Variants in MYOF observed in about 807,000 individuals in gnomAD.
The protein encoded by MYOF is fer-1-like 3, myoferlin.
In MYOF, 244 loss-of-function variants were observed where a neutral mutation model predicts 284.2. The ratio of observed to expected loss-of-function variants is 0.86; its 90% CI spans 0.77 to 0.95. The LOEUF is 0.95. Among genes scored for constraint, MYOF ranks in the 40% least tolerant of loss-of-function variants. The pLI is 0.00. For missense variants in MYOF, 2,496 were observed against 2,560.6 expected (o/e 0.97, Z 0.54); for synonymous variants, 904 against 919.7 (o/e 0.98, Z 0.31).
At chr10:93,460,056 A>C (rs1241909333) in intron 1 of MYOF, among the ~76,000 whole-genome samples, 1 of 152,192 alleles carries the variant, frequency 6.6e-6, no homozygotes, top group Non-Finnish European at 1.5e-5. Flanking sequence ...ATAATGCAAT[A>C]GAAACTGAGC....
chr10:93,481,975 T>A, intron 1 of MYOF, 132 bp downstream of exon 1: 3 of 818,374 alleles, frequency 3.7e-6, no homozygotes. Context: ...TCCCCTGTCC[T>A]GCGCAGGTAA....
Position 93,354,703 on chromosome 10 carries a change from T to TCTCTCTCTCTCTC in MYOF, c.3404-816_3404-815insGAGAGAGAGAGAG, listed in dbSNP as rs1243618498. ...TCTCTCTCTCTCTCTCTCTCTCTCT[T>TCTCTCTCTCTCTC]TGTGAGATAGCAGAGCATTATGATT... is the stretch of plus-strand genomic sequence containing the variant. On this transcript the variant is annotated intron_variant, in intron 31 of 53. Transcript: ENST00000359263. 6.1e-3 allele frequency among the ~76,000 whole-genome samples: 431 copies of TCTCTCTCTCTCTC among 70,660 alleles called. 4 individuals are homozygous for TCTCTCTCTCTCTC. Among genetic ancestry groups the TCTCTCTCTCTCTC allele is most frequent in the African/African-American group, 0.015 (409 of 27,326 alleles). The allele number at this position is 70,660 out of a possible 152,430, so 46.4% of individuals were successfully genotyped here.
rs1008177204 is a variant in MYOF at position 93,329,835 on chromosome 10, C to T, written c.4812-1G>A. 11 of 1,613,686 alleles carry T rather than the reference C, an allele frequency of 6.8e-6. No individual in the cohort carries two copies. The Admixed American group carries it at 1.0e-4, about 15-fold the overall frequency. On this transcript the variant is annotated splice_acceptor_variant, in intron 43 of 53. Transcript: ENST00000359263. LOFTEE classifies it high-confidence loss of function. ...TAAGTAGCAGCTCAGTTCGTACATCCTAAATAAACAAATGCAAGGTCAGAA... is the reference window on the plus strand; with the variant it reads ...TAAGTAGCAGCTCAGTTCGTACATCTTAAATAAACAAATGCAAGGTCAGAA...
intron 24 of MYOF, among the ~76,000 whole-genome samples, chr10:93,370,470 C>G (rs987037297): frequency 6.8e-6 from 1 of 147,888 alleles, no homozygotes. Context: ...TGCCACCATG[C>G]CTGGCTAATT....
chr10:93,446,462 G>A (rs2056432610), intron 3 of MYOF, among the ~76,000 whole-genome samples: 1 of 152,204 alleles, frequency 6.6e-6, no homozygotes, highest in Admixed American at 6.5e-5. Flanking sequence ...GAAGGACTGA[G>A]CCACAGGACA....
Position 93,364,085 on chromosome 10 carries a change from G to A in MYOF, c.2754-10C>T, listed in dbSNP as rs201957140. 11 of 1,612,274 alleles carry A rather than the reference G, an allele frequency of 6.8e-6. No individual in the cohort carries two copies. The highest frequency in any genetic ancestry group is 1.7e-4 in the Middle Eastern group (1 of 6,056). On this transcript the variant is annotated splice_polypyrimidine_tract_variant and intron_variant, in intron 26 of 53. Transcript: ENST00000359263. ...TGCCTCAGTCAGCAAGCTGTGGGGC[G>A]GGGAGGGCTCAAGTTACCCAAGGAG...
At chr10:93,354,703 T>TCTCTCTCTCTC (rs1243618498) in intron 31 of MYOF, among the ~76,000 whole-genome samples, 81 of 70,748 alleles carry the variant, frequency 1.1e-3, no homozygotes, top group African/African-American at 2.8e-3. Flanking sequence ...CTCTCTCTCT[T>TCTCTCTCTCTC]TGTGAGATAG....
intron 46 of MYOF, 25 bp from the exon 47 acceptor site, chr10:93,323,383 G>A (rs543177941): frequency 9.5e-6 from 15 of 1,579,018 alleles, no homozygotes; most frequent in Non-Finnish European, 1.3e-5. Flanking sequence ...AATGAAAAGA[G>A]GACTGAAGTT....
chr10:93,399,577 A>T, intron 12 of MYOF, 82 bp from the exon 13 acceptor site: 1 of 953,064 alleles, frequency 1.0e-6, no homozygotes, highest in Non-Finnish European at 1.6e-6. Flanking sequence ...CTTATACATC[A>T]AAATAGTTGC....
In MYOF at chr10:93,399,495, A is replaced by C; in HGVS notation, c.1118T>G (p.Met373Arg). Reference sequence around the variant, plus strand: ...TACTGTCTGTGAGAAGGCATCATCCACTGGAAGGTAATAGTTATACAGCAG... The same window carrying C: ...TACTGTCTGTGAGAAGGCATCATCCCCTGGAAGGTAATAGTTATACAGCAG... ...KIYRAEDIPQMDDAFSQTVKE... is the reference protein window; with the variant it reads ...KIYRAEDIPQRDDAFSQTVKE... Residue 373 changes from methionine to arginine, a missense_variant and splice_region_variant, in exon 13 of 54, where the codon ATG (methionine) becomes AGG (arginine). Met to Arg is a moderately conservative substitution (Grantham distance 91). Around this residue, in one of 3 missense-constraint regions of MYOF, gnomAD observed 2,436 missense variants for 2,480.7 expected, o/e 0.98. Coordinates refer to ENST00000359263, the MANE Select transcript of MYOF (RefSeq NM_013451.4). 2 of 1,603,260 alleles carry C rather than the reference A, an allele frequency of 1.2e-6. No homozygotes were observed. The highest frequency in any genetic ancestry group is 1.7e-6 in the Non-Finnish European group (2 of 1,172,924).
intron 37 of MYOF, among the ~76,000 whole-genome samples, chr10:93,344,375 A>C (rs1408032): frequency 0.24 from 37,136 of 151,980 alleles, 6,227 homozygotes; most frequent in East Asian, 0.89. Context: ...TGAGTAGTGT[A>C]CATTGTGCCC....
At chr10:93,475,854 AT>A (rs376398650) in intron 1 of MYOF, among the ~76,000 whole-genome samples, 3 of 152,112 alleles carry the variant, frequency 2.0e-5, no homozygotes, top group Non-Finnish European at 4.4e-5. Flanking sequence ...ACGTTAATTA[AT>A]TTTTTAAGGG....
chr10:93,453,880 G>A lies in MYOF; in HGVS notation c.145-1739C>T, dbSNP rs146240729. On this transcript the variant is annotated intron_variant, in intron 2 of 53. Transcript: ENST00000359263. ...GGCCTGGGTGGCAGAGGAAGACCCT[G>A]TCTCAAAAAAGAAAAAAAAGAGCCG... 2.8e-3 allele frequency among the ~76,000 whole-genome samples: 425 copies of A among 151,788 alleles called. 3 individuals carry two copies. Among genetic ancestry groups the A allele is most frequent in the African/African-American group, 0.01 (416 of 41,396 alleles).
chr10:93,382,610 C>G (rs1216626294), intron 19 of MYOF, among the ~76,000 whole-genome samples: 1 of 152,122 alleles, frequency 6.6e-6, no homozygotes, highest in Non-Finnish European at 1.5e-5. Flanking sequence ...GACCATGAGC[C>G]CTTCAAGCCT....
In MYOF at chr10:93,452,038, A is replaced by G. The variant is rs1248284199; in HGVS notation, c.236+12T>C. 1.3e-6 allele frequency: 2 copies of G among 1,580,876 alleles called. No individual in the cohort carries two copies. The highest frequency in any genetic ancestry group is 1.1e-5 in the South Asian group (1 of 87,094). On this transcript the variant is annotated intron_variant, in intron 3 of 53. Transcript: ENST00000359263. The stretch of plus-strand genomic sequence containing the variant: ...ATACCTAAAATGAGAAAAACAGGTG[A>G]AAACAACTTACTTATTTTGTCCAAT...
intron 5 of MYOF, chr10:93,425,648 A>G: frequency 5.7e-6 from 1 of 176,482 alleles, no homozygotes; most frequent in African/African-American, 2.4e-5. Flanking sequence ...AGCCATGCCC[A>G]TGAGACTGGT....
chr10:93,410,662 GCTTTT>G (rs1388741767), intron 5 of MYOF, among the ~76,000 whole-genome samples: 2 of 152,086 alleles, frequency 1.3e-5, no homozygotes, highest in Non-Finnish European at 1.5e-5. Context: ...ACAAACTTTA[GCTTTT>G]CTTTTCTTAA....
rs186269112 is a variant in MYOF at position 93,334,833 on chromosome 10, C to T, written c.4564-920G>A. 4.1e-4 allele frequency among the ~76,000 whole-genome samples: 63 copies of T among 152,238 alleles called. 1 individual carries two copies. The East Asian group carries it at 0.012, about 29-fold the overall frequency. On this transcript the variant is annotated intron_variant, in intron 41 of 53. Coordinates refer to ENST00000359263, the MANE Select transcript of MYOF (RefSeq NM_013451.4). ...ACAGCGATGTTCAGTAGGGTTGGCT[C>T]TTGTGCCATATGTGATTGCTTGGTG...
chr10:93,374,692 C>T (rs997408407), intron 23 of MYOF, 71 bp downstream of exon 23: 11 of 1,461,378 alleles, frequency 7.5e-6, no homozygotes, highest in Middle Eastern at 1.8e-4. Context: ...TTCCACCATC[C>T]TATTCTTGGT....
Sources: gnomAD v4.1 joint callset for allele counts (sites outside exome capture counted in the v4.1 genomes callset) on GRCh38, gnomAD v4.1.1 for gene constraint, gnomAD v4.1.1 regional missense constraint, MANE v1.5 for transcripts, NCBI Gene and HGNC (gene_info 2026-07-23, HGNC 2026-07-21) for gene names.